The following CAPSL variants were observed in gnomAD, a reference collection of about 807,000 sequenced individuals.
The protein encoded by CAPSL is calcyphosine like.
Under a neutral mutation model 21.3 loss-of-function variants are expected in CAPSL, and 17 were observed. The observed-to-expected ratio is 0.80, with a 90% CI of 0.55 to 1.20. CAPSL has a LOEUF of 1.20. CAPSL is among the 50% of genes most tolerant of loss of function. CAPSL has a pLI of 0.00. For synonymous variants in CAPSL, 102 were observed against 89.3 expected, an observed-to-expected ratio of 1.14 and a Z score of -0.80; for missense variants, 289 against 259.3, an observed-to-expected ratio of 1.11 and a Z score of -0.79.
intron 2 of CAPSL, among the ~76,000 whole-genome samples, chr5:35,912,710 A>G (rs1456917021): frequency 1.3e-5 from 2 of 152,244 alleles, no homozygotes; most frequent in Admixed American, 1.3e-4. Context: ...CCTCATCTGT[A>G]TGTCACCATC....
intron 1 of CAPSL, among the ~76,000 whole-genome samples, chr5:35,932,193 A>G (rs1312163365): frequency 6.6e-6 from 1 of 152,162 alleles, no homozygotes; most frequent in Non-Finnish European, 1.5e-5. Context: ...CATCAGCGTA[A>G]ATCAGTGTAT....
intron 4 of CAPSL, among the ~76,000 whole-genome samples, chr5:35,907,759 A>G (rs1276031749): frequency 6.6e-6 from 1 of 152,178 alleles, no homozygotes; most frequent in Non-Finnish European, 1.5e-5. Context: ...CTTATATGGG[A>G]TGTTTTTAAC....
At chr5:35,910,893 T>C (rs1056500982) in intron 2 of CAPSL, among the ~76,000 whole-genome samples, 1 of 152,200 alleles carries the variant, frequency 6.6e-6, no homozygotes, top group Non-Finnish European at 1.5e-5. Context: ...ACATTATGCA[T>C]TTGCTAAAAC....
At chr5:35,912,279 TG>T (rs937200747) in intron 2 of CAPSL, among the ~76,000 whole-genome samples, 1 of 152,146 alleles carries the variant, frequency 6.6e-6, no homozygotes, top group Non-Finnish European at 1.5e-5. Flanking sequence ...ACTCCACCTC[TG>T]GGGGCAGGGC....
chr5:35,936,482 C>G (rs560914131), intron 1 of CAPSL, among the ~76,000 whole-genome samples: 8 of 152,206 alleles, frequency 5.3e-5, no homozygotes, highest in Non-Finnish European at 1.2e-4. Context: ...TACTTCGGTC[C>G]ATTTCAATAT....
intron 2 of CAPSL, among the ~76,000 whole-genome samples, 161 bp downstream of exon 2, chr5:35,920,823 G>A (rs781257371): frequency 2.6e-5 from 4 of 152,102 alleles, no homozygotes; most frequent in Admixed American, 2.6e-4. Flanking sequence ...CTGTCACAAG[G>A]GACCTCATAG....
At chr5:35,931,576 C>G (rs902327331) in intron 1 of CAPSL, among the ~76,000 whole-genome samples, 1 of 152,090 alleles carries the variant, frequency 6.6e-6, no homozygotes, top group South Asian at 2.1e-4. Flanking sequence ...CTCCATCTTG[C>G]TTTTTTTCCC....
At chr5:35,921,793 A>G (rs1738544966) in intron 1 of CAPSL, among the ~76,000 whole-genome samples, 1 of 151,170 alleles carries the variant, frequency 6.6e-6, no homozygotes, top group Non-Finnish European at 1.5e-5. Context: ...TATAGTCCTG[A>G]CTCTTCAATC....
chr5:35,916,461 C>G (rs80209855), intron 2 of CAPSL, among the ~76,000 whole-genome samples: 40,356 of 152,104 alleles, frequency 0.27, 5,625 homozygotes, highest in African/African-American at 0.34. Flanking sequence ...TGACTTCAAA[C>G]TATACTACAA....
rs1404131229 is a variant in CAPSL at position 35,910,226 on chromosome 5, C to T, written c.315+140G>A. 4 of 1,130,038 alleles carry T rather than the reference C, an allele frequency of 3.5e-6. No individual in the cohort carries two copies. In the South Asian group the frequency reaches 6.3e-5, roughly 18 times the overall value. The allele number at this position is 1,130,038 out of a possible 1,614,324, so 70.0% of individuals were successfully genotyped here. On this transcript the variant is annotated intron_variant, in intron 3 of 4. Coordinates refer to ENST00000651391, the MANE Select transcript of CAPSL (RefSeq NM_001042625.2). ...AGACACTACAATTGCTCCAAAAATT[C>T]CTAAGTCTGTTCACAGTTTTCTGCT...
At chr5:35,931,326 CAGT>C (rs1386217531) in intron 1 of CAPSL, among the ~76,000 whole-genome samples, 1 of 151,744 alleles carries the variant, frequency 6.6e-6, no homozygotes, top group Non-Finnish European at 1.5e-5. Flanking sequence ...CCTCTTCTCT[CAGT>C]AGAATTTTGT....
chr5:35,930,932 G>A (rs1057424470), intron 1 of CAPSL, among the ~76,000 whole-genome samples: 30 of 152,234 alleles, frequency 2.0e-4, no homozygotes, highest in African/African-American at 6.3e-4. Flanking sequence ...TGTGCCTTGA[G>A]TGAGGATGTG....
chr5:35,909,849 T>G lies in CAPSL; in HGVS notation c.525+17A>C, dbSNP rs1332681339. On this transcript the variant is annotated intron_variant, in intron 4 of 4. Transcript: ENST00000651391. ...CGAATTGAAGAAATTTCCCCTAGAT[T>G]AGGCTCTTTTACTTACCAATCCATC... The G allele has an allele frequency of 1.3e-6, 2 of 1,592,182 alleles. No homozygotes were observed. The highest frequency in any genetic ancestry group is 1.4e-5 in the African/African-American group (1 of 74,058).
At chr5:35,914,968 C>G (rs1446143975) in intron 2 of CAPSL, among the ~76,000 whole-genome samples, 1 of 151,854 alleles carries the variant, frequency 6.6e-6, no homozygotes. Flanking sequence ...TCTAGCAAGA[C>G]TAATAAAGAA....
chr5:35,904,714 G>A, intron 4 of CAPSL, 68 bp from the exon 5 acceptor site: 2 of 1,595,884 alleles, frequency 1.3e-6, no homozygotes. Context: ...CGCCCACCTT[G>A]TGCACCTGTA....
In CAPSL at chr5:35,909,991, C is replaced by T. The variant is rs374502442; in HGVS notation, c.400G>A (p.Glu134Lys). ...DKTGDGVITI[E>K]DLREVYNAKH... Reference sequence around the variant, plus strand: ...GCATTATATACTTCACGAAGGTCTTCGATTGTTATAACACCATCTCCAGTC... The same window carrying T: ...GCATTATATACTTCACGAAGGTCTTTGATTGTTATAACACCATCTCCAGTC... Residue 134 changes from glutamate (E) to lysine (K), a missense_variant, in exon 4 of 5, where the codon GAA becomes AAA. Glu to Lys is a moderately conservative substitution (Grantham distance 56). Coordinates refer to ENST00000651391, the MANE Select transcript of CAPSL (RefSeq NM_001042625.2). 8.7e-6 allele frequency: 14 copies of T among 1,613,780 alleles called. No homozygotes were observed. The highest frequency in any genetic ancestry group is 3.3e-5 in the South Asian group (3 of 90,958).
rs146968043 is a variant in CAPSL at position 35,925,806 on chromosome 5, G to A, written c.1-4686C>T. 4.5e-3 allele frequency among the ~76,000 whole-genome samples: 685 copies of A among 152,274 alleles called. 5 individuals carry two copies. The highest frequency in any genetic ancestry group is 0.016 in the African/African-American group (654 of 41,514). ...CCACAAAGTCTTCTGGCCGGGCGCG[G>A]TGGCTTACGCCTGTAATCCTAGCAC... On this transcript the variant is annotated intron_variant, in intron 1 of 4. Transcript: ENST00000651391.
intron 1 of CAPSL, among the ~76,000 whole-genome samples, chr5:35,936,872 A>G (rs1233953319): frequency 6.6e-6 from 1 of 152,192 alleles, no homozygotes; most frequent in Non-Finnish European, 1.5e-5. Flanking sequence ...CTCACAAAAC[A>G]TGTGCACTTG....
chr5:35,908,117 A>T (rs2149916013), intron 4 of CAPSL, among the ~76,000 whole-genome samples: 1 of 152,324 alleles, frequency 6.6e-6, no homozygotes, highest in African/African-American at 2.4e-5. Context: ...TATATTTAGT[A>T]ATTTTAAAAC....
Sources: gnomAD v4.1 joint callset for allele counts (sites outside exome capture counted in the v4.1 genomes callset) on GRCh38, gnomAD v4.1.1 for gene constraint, MANE v1.5 for transcripts, NCBI Gene and HGNC (gene_info 2026-07-23, HGNC 2026-07-21) for gene names.